Variants in SCMH1 observed in about 807,000 individuals in gnomAD.
SCMH1 encodes polycomb protein SCMH1.
A neutral mutation model predicts 70.8 loss-of-function variants in SCMH1; 37 were observed. That is an observed-to-expected ratio of 0.52 (90% CI 0.40 to 0.69). The LOEUF (loss-of-function observed/expected upper bound fraction) is 0.69, where lower values mean the gene tolerates loss of function less well. Ranked by LOEUF, SCMH1 falls within the 30% of genes least tolerant of loss-of-function variation. The pLI is 0.00. For missense variants in SCMH1, 607 were observed against 827.3 expected (o/e 0.73, Z 3.27); for synonymous variants, 292 against 307.4 (o/e 0.95, Z 0.52).
chr1:41,036,735 A>C (rs1645352764), intron 13 of SCMH1, among the ~76,000 whole-genome samples: 1 of 152,184 alleles, frequency 6.6e-6, no homozygotes, highest in Admixed American at 6.5e-5. Context: ...TTTATGGTTG[A>C]GCAATTCCAA....
chr1:41,087,427 G>A (rs184403014), intron 8 of SCMH1, among the ~76,000 whole-genome samples: 1 of 151,674 alleles, frequency 6.6e-6, no homozygotes, highest in East Asian at 1.9e-4. Flanking sequence ...ATAAAAGGGT[G>A]TATCTAACAT....
At chr1:41,079,601 A>T (rs1366047059) in intron 8 of SCMH1, among the ~76,000 whole-genome samples, 3 of 152,232 alleles carry the variant, frequency 2.0e-5, no homozygotes, top group African/African-American at 7.2e-5. Flanking sequence ...GGTAGAGAAC[A>T]GGACAGTATG....
At chr1:41,202,868 G>C (rs1221686873) in intron 1 of SCMH1, among the ~76,000 whole-genome samples, 1 of 151,868 alleles carries the variant, frequency 6.6e-6, no homozygotes, top group Non-Finnish European at 1.5e-5. Flanking sequence ...CTATCCAACA[G>C]AAATATAAGC....
chr1:41,066,849 C>A (rs867856344), intron 10 of SCMH1, among the ~76,000 whole-genome samples: 22 of 152,250 alleles, frequency 1.4e-4, no homozygotes, highest in Middle Eastern at 6.8e-3. Context: ...CTCAGCCTCC[C>A]AAAGTGCTGG....
At chr1:41,106,122 G>A (rs982270062) in intron 8 of SCMH1, among the ~76,000 whole-genome samples, 2 of 151,758 alleles carry the variant, frequency 1.3e-5, no homozygotes, top group African/African-American at 2.4e-5. Flanking sequence ...TGATCTGCCC[G>A]CCTCGGCCTC....
At chr1:41,188,275 A>G (rs749759531) in intron 1 of SCMH1, among the ~76,000 whole-genome samples, 2 of 152,198 alleles carry the variant, frequency 1.3e-5, no homozygotes, top group Non-Finnish European at 2.9e-5. Flanking sequence ...GATTATAGGC[A>G]TGTGCCGCCA....
intron 1 of SCMH1, among the ~76,000 whole-genome samples, chr1:41,239,796 ATATTTT>A (rs1420590171): frequency 1.3e-5 from 2 of 152,070 alleles, no homozygotes; most frequent in Non-Finnish European, 2.9e-5. Flanking sequence ...ATGCCCAGCT[ATATTTT>A]TATTTTTATT....
intron 1 of SCMH1, among the ~76,000 whole-genome samples, chr1:41,223,508 T>G (rs949871956): frequency 6.6e-6 from 1 of 151,002 alleles, no homozygotes; most frequent in Non-Finnish European, 1.5e-5. Flanking sequence ...GAGTCGTAAT[T>G]TTATCTTTTT....
intron 2 of SCMH1, among the ~76,000 whole-genome samples, chr1:41,175,912 T>A (rs971073684): frequency 3.9e-5 from 6 of 152,238 alleles, no homozygotes; most frequent in African/African-American, 1.4e-4. Context: ...TGATTAATTT[T>A]ATGTTTAAAA....
chr1:41,169,735 G>T lies in SCMH1; in HGVS notation c.14-8303C>A, dbSNP rs114822649. Among the ~76,000 whole-genome samples the T allele has an allele frequency of 3.0e-3, 460 of 152,258 alleles. 1 individual carries two copies. The highest frequency in any genetic ancestry group is 0.01 in the African/African-American group (431 of 41,546). ...TAAATCCCTTCTGGGGAAAAACAGG[G>T]GGCTACATTTTAAGCCCCTTCTCTG... On this transcript the variant is annotated intron_variant, in intron 2 of 14. Coordinates refer to ENST00000337495, the Ensembl canonical transcript of SCMH1.
intron 10 of SCMH1, among the ~76,000 whole-genome samples, chr1:41,049,411 T>C (rs1647218676): frequency 6.6e-6 from 1 of 151,904 alleles, no homozygotes; most frequent in African/African-American, 2.4e-5. Context: ...GGTCCCTTTG[T>C]TATCTTCTAC....
chr1:41,172,307 A>G (rs1203643526), intron 2 of SCMH1, among the ~76,000 whole-genome samples: 1 of 152,092 alleles, frequency 6.6e-6, no homozygotes, highest in East Asian at 1.9e-4. Flanking sequence ...ATGAACTAGT[A>G]AAAAAGAAAT....
intron 8 of SCMH1, among the ~76,000 whole-genome samples, chr1:41,089,509 C>T (rs372720504): frequency 6.6e-6 from 1 of 152,348 alleles, no homozygotes; most frequent in East Asian, 1.9e-4. Flanking sequence ...AAGCCACCAT[C>T]ATCTCTAACC....
At chr1:41,119,529 C>T (rs1671400742) in intron 6 of SCMH1, among the ~76,000 whole-genome samples, 2 of 152,034 alleles carry the variant, frequency 1.3e-5, no homozygotes, top group Non-Finnish European at 2.9e-5. Flanking sequence ...CCTACCTGGC[C>T]TTGGGGTAAA....
chr1:41,144,617 T>TA (rs1227417663), intron 5 of SCMH1, among the ~76,000 whole-genome samples: 6 of 152,278 alleles, frequency 3.9e-5, no homozygotes, highest in African/African-American at 1.2e-4. Flanking sequence ...CGTATATACT[T>TA]ATGAGTGAAA....
chr1:41,208,435 T>TAA (rs149379351), intron 1 of SCMH1, among the ~76,000 whole-genome samples: 19,211 of 129,600 alleles, frequency 0.15, 1,560 homozygotes, highest in Middle Eastern at 0.29. Context: ...AGAAAAAAAT[T>TAA]AAAAAAAAAA....
intron 5 of SCMH1, 33 bp from the exon 6 acceptor site, chr1:41,143,145 TTAAGAG>T (rs1282281787): frequency 1.9e-6 from 3 of 1,568,048 alleles, no homozygotes; most frequent in South Asian, 1.1e-5. Flanking sequence ...TATAGACAGA[TTAAGAG>T]TAAAACCCCA....
At chr1:41,176,670 G>A (rs889049851) in intron 2 of SCMH1, among the ~76,000 whole-genome samples, 1 of 152,334 alleles carries the variant, frequency 6.6e-6, no homozygotes, top group South Asian at 2.1e-4. Context: ...AGCAGTCTGA[G>A]ATCAAACTGC....
chr1:41,093,446 A>C (rs1016087938), intron 8 of SCMH1, among the ~76,000 whole-genome samples: 5 of 152,064 alleles, frequency 3.3e-5, no homozygotes, highest in African/African-American at 1.2e-4. Context: ...GGTGCAGCAC[A>C]CCAGCATGGC....
Sources: allele counts gnomAD v4.1 joint callset (sites outside exome capture counted in the v4.1 genomes callset), GRCh38; gene constraint gnomAD v4.1.1; transcripts MANE v1.5; gene names NCBI Gene and HGNC (gene_info 2026-07-23, HGNC 2026-07-21).